Variants in CEP44 observed in about 807,000 individuals in gnomAD.
The protein encoded by CEP44 is centrosomal protein 44, also known as centrosomal protein of 44 kDa.
A neutral mutation model predicts 46.7 loss-of-function variants in CEP44; 45 were observed. That is an observed-to-expected ratio of 0.96 (90% CI 0.76 to 1.24). CEP44 has a LOEUF of 1.24. Ranked by LOEUF, CEP44 falls within the 50% of genes most tolerant of loss-of-function variation. The probability of loss-of-function intolerance (pLI) is 0.00; values close to 1 mark genes in which losing one functional copy is unlikely to be tolerated. For missense variants in CEP44, 475 were observed against 459.7 expected, an observed-to-expected ratio of 1.03 and a Z score of -0.30; for synonymous variants, 142 against 146.0, an observed-to-expected ratio of 0.97 and a Z score of 0.20.
chr4:174,319,883 A>C lies in CEP44; in HGVS notation c.*2500A>C, dbSNP rs1285555760. ...TTTTAAAAAGTTTTCTTGTTTAGGC[A>C]ATTTGGTAAGTGGTTTCTAGTTATA... is the stretch of plus-strand genomic sequence containing the variant. On this transcript the variant is annotated 3_prime_UTR_variant, in exon 12 of 12. Transcript: ENST00000503780. 32 of 985,182 alleles carry C rather than the reference A, an allele frequency of 3.2e-5. No individual in the cohort carries two copies. Among genetic ancestry groups the C allele is most frequent in the Non-Finnish European group, 3.7e-5 (31 of 829,822 alleles). The allele number at this position is 985,182 out of a possible 1,614,324, so 61.0% of individuals were successfully genotyped here. A position where few individuals can be genotyped will look rare whatever the true frequency, so the allele number is the denominator to read the frequency against.
Position 174,331,424 on chromosome 4 carries a change from C to G in CEP44, c.1087-58C>G. Reference sequence around the variant, plus strand: ...GACACTGCTCTAATTCCTATCTACCCATTCTGCCAATGCATTTAGATCATA... The same window carrying G: ...GACACTGCTCTAATTCCTATCTACCGATTCTGCCAATGCATTTAGATCATA... On this transcript the variant is annotated intron_variant, in intron 8 of 8. Transcript: ENST00000426172. The surrounding 1 kb of genome is among the most constrained non-coding windows in gnomAD (Gnocchi z 4.5). 6.5e-7 allele frequency: 1 copy of G among 1,529,660 alleles called. No individual in the cohort carries two copies. The highest frequency in any genetic ancestry group is 8.8e-7 in the Non-Finnish European group (1 of 1,133,060). 94.8% of individuals were successfully genotyped at this position (1,529,660 alleles called of 1,614,324 possible).
intron 8 of CEP44, among the ~76,000 whole-genome samples, chr4:174,328,030 TTAAAA>T (rs1467951133): frequency 6.6e-6 from 1 of 152,202 alleles, no homozygotes; most frequent in Non-Finnish European, 1.5e-5. Context: ...AAATTTGATA[TTAAAA>T]TTAAATACTT....
At chr4:174,328,447 G>A (rs996980518) in intron 8 of CEP44, among the ~76,000 whole-genome samples, 4 of 152,172 alleles carry the variant, frequency 2.6e-5, no homozygotes, top group African/African-American at 9.7e-5. Flanking sequence ...GACTGGAATT[G>A]ATACAGTGAT....
At chr4:174,330,272 C>A (rs970374526) in intron 8 of CEP44, among the ~76,000 whole-genome samples, 1 of 151,942 alleles carries the variant, frequency 6.6e-6, no homozygotes, top group Non-Finnish European at 1.5e-5. Context: ...GTGGATCACC[C>A]GAGCTCAGGA....
chr4:174,313,127 A>G (rs1325891588), intron 9 of CEP44, among the ~76,000 whole-genome samples: 1 of 151,932 alleles, frequency 6.6e-6, no homozygotes, highest in East Asian at 1.9e-4. Context: ...AAGGGGGGCT[A>G]TATCTGCTCA....
At chr4:174,323,589 G>A (rs556942289), downstream of CEP44, among the ~76,000 whole-genome samples, 32 of 152,212 alleles carry the variant, frequency 2.1e-4, no homozygotes, top group South Asian at 6.6e-3. Flanking sequence ...TGAAGTTGGG[G>A]CATTAGGGAT....
Position 174,308,780 on chromosome 4 carries a change from C to G in CEP44, c.599C>G (p.Ala200Gly), listed in dbSNP as rs764954886. The change falls in exon 7 of 12, where the codon GCA (alanine) becomes GGA (glycine). Residue 200 changes from alanine (A) to glycine (G), a missense_variant. By Grantham distance (60) the Ala-to-Gly change is moderately conservative. Coordinates refer to ENST00000503780, the MANE Select transcript of CEP44 (RefSeq NM_001040157.3). Reference protein sequence around the residue: ...TLSPITDVNEAVDVSDLNATE... With the variant: ...TLSPITDVNEGVDVSDLNATE... ...AGTCCAATAACAGATGTTAATGAAGCAGTTGATGTGTCTGACTTAAATGCT... is the reference window on the plus strand; with the variant it reads ...AGTCCAATAACAGATGTTAATGAAGGAGTTGATGTGTCTGACTTAAATGCT... The G allele has an allele frequency of 6.2e-7, 1 of 1,613,144 alleles. No individual in the cohort carries two copies. The highest frequency in any genetic ancestry group is 2.2e-5 in the East Asian group (1 of 44,828).
Position 174,317,675 on chromosome 4 carries a change from T to C in CEP44, c.*292T>C. On this transcript the variant is annotated 3_prime_UTR_variant, in exon 12 of 12. Transcript: ENST00000503780. ...CAGCACTGTATTTCTGTGTTGACAT[T>C]TGTTGGCAGTGTGCTAAGTAATGTT... 2 of 1,013,494 alleles carry C rather than the reference T, an allele frequency of 2.0e-6. No homozygotes were observed. The highest frequency in any genetic ancestry group is 9.0e-5 in the East Asian group (1 of 11,080). 62.8% of individuals were successfully genotyped at this position (1,013,494 alleles called of 1,614,324 possible).
At position 174,308,825 on chromosome 4, in the gene CEP44, A is replaced by C; in HGVS notation, c.644A>C (p.Glu215Ala). The C allele has an allele frequency of 6.2e-7, 1 of 1,613,222 alleles. No individual in the cohort carries two copies. The highest frequency in any genetic ancestry group is 2.2e-5 in the East Asian group (1 of 44,832). ...AATGCTACTGAAATAAAGATGCCTG[A>C]AGTAAAGGTTCCTGAAATCAAGGCT... ...DLNATEIKMP[E>A]VKVPEIKAEQ... Residue 215 changes from glutamate (E) to alanine (A), a missense_variant, in exon 7 of 12, where the codon GAA (glutamate) becomes GCA (alanine). By Grantham distance (107) the Glu-to-Ala change is moderately radical. Coordinates refer to ENST00000503780, the MANE Select transcript of CEP44 (RefSeq NM_001040157.3).
At position 174,317,553 on chromosome 4, in the gene CEP44, T is replaced by C; in HGVS notation, c.*170T>C. 1.7e-6 allele frequency: 2 copies of C among 1,179,734 alleles called. No individual in the cohort carries two copies. The highest frequency in any genetic ancestry group is 8.2e-5 in the South Asian group (2 of 24,324). The allele number at this position is 1,179,734 out of a possible 1,614,324, so 73.1% of individuals were successfully genotyped here. On this transcript the variant is annotated 3_prime_UTR_variant, in exon 12 of 12. Coordinates refer to ENST00000503780, the MANE Select transcript of CEP44 (RefSeq NM_001040157.3). ...TTATTGAATAACTCTTTTAATATTT[T>C]TGAGCAATGATTATACTGCTTTACC...
rs1040419632 is a variant in CEP44, at chr4:174,286,144, G to A, written c.-148+2201G>A. 6.6e-6 allele frequency among the ~76,000 whole-genome samples: 1 copy of A among 152,194 alleles called. No homozygotes were observed. Among genetic ancestry groups the A allele is most frequent in the Non-Finnish European group, 1.5e-5 (1 of 68,036 alleles). On this transcript the variant is annotated intron_variant, in intron 1 of 11. Transcript: ENST00000503780. This position sits in a 1 kb window ranked among gnomAD's most constrained non-coding sequence, Gnocchi z 5.2. The stretch of plus-strand genomic sequence containing the variant: ...AGCTGTTGCCTACCATGTTGATAAA[G>A]GAGACTAGGAACAGAAAGGTAGGTT...
exon 9 of CEP44, chr4:174,332,987 G>A (rs1423239494): frequency 2.0e-5 from 3 of 152,042 alleles, no homozygotes; most frequent in Admixed American, 6.6e-5. Flanking sequence ...AGAGTTCTTC[G>A]GAATTTACTG....
rs1350210512 is a variant in CEP44 at position 174,320,090 on chromosome 4, A to G, written c.*2707A>G. 1.3e-5 allele frequency: 13 copies of G among 985,160 alleles called. No individual in the cohort carries two copies. The highest frequency in any genetic ancestry group is 9.4e-5 in the South Asian group (2 of 21,282). 61.0% of individuals were successfully genotyped at this position (985,160 alleles called of 1,614,324 possible). On this transcript the variant is annotated 3_prime_UTR_variant, in exon 12 of 12. Coordinates refer to ENST00000503780, the MANE Select transcript of CEP44 (RefSeq NM_001040157.3). Reference sequence around the variant, plus strand: ...GTCAGTTGCTTGTGCTGCCCTGTCTATGTTATGCTCTGAATAGGTCTCGGT... The same window carrying G: ...GTCAGTTGCTTGTGCTGCCCTGTCTGTGTTATGCTCTGAATAGGTCTCGGT...
downstream of CEP44, among the ~76,000 whole-genome samples, chr4:174,320,641 G>A (rs956019101): frequency 1.5e-4 from 20 of 133,452 alleles, no homozygotes; most frequent in Admixed American, 3.1e-4. Flanking sequence ...GAAAGGAAGA[G>A]CATTTGAAAG....
chr4:174,321,992 T>G (rs747725581), downstream of CEP44, among the ~76,000 whole-genome samples: 3 of 152,166 alleles, frequency 2.0e-5, no homozygotes, highest in Non-Finnish European at 2.9e-5. Flanking sequence ...TAAGTAAGCT[T>G]TGATTTACTG....
Position 174,311,762 on chromosome 4 carries a change from A to G in CEP44, c.961+904A>G, listed in dbSNP as rs1236447610. ...TAACTACAGCAAAGGTCACACAGTT[A>G]TTGAATTGTAGATCAAATTTGAATC... On this transcript the variant is annotated intron_variant, in intron 9 of 11. Transcript: ENST00000503780. The surrounding 1 kb of genome is among the most constrained non-coding windows in gnomAD (Gnocchi z 4.4). Among the ~76,000 whole-genome samples, 1 of 152,214 alleles carries G rather than the reference A, an allele frequency of 6.6e-6. No individual in the cohort carries two copies. Among genetic ancestry groups the G allele is most frequent in the Non-Finnish European group, 1.5e-5 (1 of 68,022 alleles).
rs2126682742 is a variant in CEP44 at position 174,319,827 on chromosome 4, T to G, written c.*2444T>G. On this transcript the variant is annotated 3_prime_UTR_variant, in exon 12 of 12. Coordinates refer to ENST00000503780, the MANE Select transcript of CEP44 (RefSeq NM_001040157.3). ...AAAAATAAAGCAAATTCAACTTTAT[T>G]GGAGTTATTGGACAGATCAGCAAAT... is the stretch of plus-strand genomic sequence containing the variant. The G allele has an allele frequency of 1.0e-6, 1 of 983,714 alleles. No homozygotes were observed. Among genetic ancestry groups the G allele is most frequent in the South Asian group, 4.7e-5 (1 of 21,272 alleles). The allele number at this position is 983,714 out of a possible 1,614,324, so 60.9% of individuals were successfully genotyped here.
In CEP44 at chr4:174,329,334, A is replaced by C. The variant is rs1731190291; in HGVS notation, c.1087-2148A>C. On this transcript the variant is annotated intron_variant, in intron 8 of 8. Transcript: ENST00000426172. This position sits in a 1 kb window ranked among gnomAD's most constrained non-coding sequence, Gnocchi z 4.0. ...AAGCCCTTTGCTCAAACACAGACAC[A>C]CACACAGACACACACACACACACAC... Among the ~76,000 whole-genome samples the C allele has an allele frequency of 6.8e-6, 1 of 147,340 alleles. No homozygotes were observed. The highest frequency in any genetic ancestry group is 2.1e-4 in the South Asian group (1 of 4,718).
At chr4:174,283,840 T>G, upstream of CEP44, 1 of 398,812 alleles carries the variant, frequency 2.5e-6, no homozygotes, top group Non-Finnish European at 4.4e-6. This position sits in a 1 kb window ranked among gnomAD's most constrained non-coding sequence, Gnocchi z 6.7. Context: ...TTGAGGAGGC[T>G]CTCAGCGGAG....
Sources: allele counts gnomAD v4.1 joint callset (sites outside exome capture counted in the v4.1 genomes callset), GRCh38; gene constraint gnomAD v4.1.1; non-coding constraint Gnocchi (gnomAD v3.1); transcripts MANE v1.5; gene names NCBI Gene and HGNC (gene_info 2026-07-23, HGNC 2026-07-21).